CA1: variants seen among roughly 807,000 people sequenced by gnomAD.
CA1 encodes the protein carbonate dehydratase I.
CA1 carries 27 observed loss-of-function variants against 28.8 expected under a neutral mutation model. The ratio of observed to expected loss-of-function variants is 0.94; its 90% CI spans 0.69 to 1.29. CA1 has a LOEUF of 1.29. Ranked by LOEUF, CA1 falls within the 50% of genes most tolerant of loss-of-function variation. The probability of loss-of-function intolerance (pLI) is 0.00; values close to 1 mark genes in which losing one functional copy is unlikely to be tolerated. For missense variants in CA1, 335 were observed against 310.5 expected (o/e 1.08, Z -0.59); for synonymous variants, 121 against 108.8 (o/e 1.11, Z -0.70).
At chr8:85,354,560 A>C (rs1809534831) in intron 1 of CA1, among the ~76,000 whole-genome samples, 1 of 152,160 alleles carries the variant, frequency 6.6e-6, no homozygotes, top group South Asian at 2.1e-4. Context: ...TAGAACAAGG[A>C]CGACTTTTAC....
At chr8:85,337,102 A>G (rs1365607407) in intron 3 of CA1, 39 bp from the exon 4 acceptor site, 1 of 1,091,260 alleles carries the variant, frequency 9.2e-7, no homozygotes, top group Non-Finnish European at 1.4e-6. Flanking sequence ...CTGATGCTCC[A>G]CAAACTCTAG....
chr8:85,376,565 G>A (rs1728600059), intron 1 of CA1, among the ~76,000 whole-genome samples: 1 of 150,698 alleles, frequency 6.6e-6, no homozygotes, highest in African/African-American at 2.4e-5. Flanking sequence ...CGGAGACTGA[G>A]GCAAGAGAAT....
At chr8:85,337,587 T>C (rs570508707) in intron 3 of CA1, among the ~76,000 whole-genome samples, 1 of 152,286 alleles carries the variant, frequency 6.6e-6, no homozygotes, top group Middle Eastern at 3.4e-3. Context: ...GGGGCACTTA[T>C]AAAACTTTGT....
intron 1 of CA1, among the ~76,000 whole-genome samples, chr8:85,349,366 G>T (rs1237898058): frequency 6.6e-6 from 1 of 152,164 alleles, no homozygotes; most frequent in African/African-American, 2.4e-5. Flanking sequence ...GTTAAAAGTG[G>T]AATGTCAAGT....
intron 1 of CA1, among the ~76,000 whole-genome samples, chr8:85,357,103 A>G (rs1388222865): frequency 6.6e-6 from 1 of 152,232 alleles, no homozygotes; most frequent in Non-Finnish European, 1.5e-5. Flanking sequence ...GTCATAGTAC[A>G]TGGAATAAAT....
intron 1 of CA1, among the ~76,000 whole-genome samples, chr8:85,364,953 C>A (rs970562704): frequency 1.6e-4 from 25 of 152,284 alleles, no homozygotes; most frequent in African/African-American, 6.0e-4. Flanking sequence ...ACGGTACTGG[C>A]AGCAACAGCT....
chr8:85,375,669 C>T (rs533567152), intron 1 of CA1, among the ~76,000 whole-genome samples: 5 of 152,112 alleles, frequency 3.3e-5, no homozygotes, highest in South Asian at 2.1e-4. Flanking sequence ...ATCCAGAGCA[C>T]GGAGAAAGTT....
rs183664120 is a variant in CA1, at chr8:85,341,710, G to A, written c.-24-51C>T. ...TAACTAACTGCAACTGTGCATGCAG[G>A]AGATGCCTTAAATCCCTGCTTGGGC... On this transcript the variant is annotated intron_variant, in intron 1 of 7. Transcript: ENST00000523022. The A allele has an allele frequency of 6.0e-6, 6 of 997,690 alleles. No homozygotes were observed. In the Admixed American group the frequency reaches 8.5e-5, roughly 14 times the overall value. The allele number at this position is 997,690 out of a possible 1,614,324, so 61.8% of individuals were successfully genotyped here.
chr8:85,376,453 A>G (rs1463623731), intron 1 of CA1, among the ~76,000 whole-genome samples: 1 of 151,812 alleles, frequency 6.6e-6, no homozygotes, highest in Admixed American at 6.6e-5. Flanking sequence ...TCAGAGGTCA[A>G]GAGATTGAGA....
chr8:85,360,986 G>A (rs934287124), intron 1 of CA1, among the ~76,000 whole-genome samples: 13 of 152,204 alleles, frequency 8.5e-5, no homozygotes, highest in African/African-American at 2.7e-4. Context: ...GGGAATGTGG[G>A]TTCTGCAAGA....
intron 1 of CA1, among the ~76,000 whole-genome samples, chr8:85,370,793 T>C (rs1241864900): frequency 1.3e-5 from 2 of 152,214 alleles, no homozygotes; most frequent in Non-Finnish European, 2.9e-5. Flanking sequence ...TAATCAGTCC[T>C]GTATTAAAAG....
Position 85,335,490 on chromosome 8 carries a change from G to A in CA1, c.354+1455C>T, listed in dbSNP as rs553649817. Among the ~76,000 whole-genome samples, 137 of 152,110 alleles carry A rather than the reference G, an allele frequency of 9.0e-4. 1 individual carries two copies. Among genetic ancestry groups the A allele is most frequent in the Non-Finnish European group, 1.6e-3 (109 of 68,022 alleles). On this transcript the variant is annotated intron_variant, in intron 4 of 7. Coordinates refer to ENST00000523022, the MANE Select transcript of CA1 (RefSeq NM_001128831.4). ...GAATTTGTACAGCTAGTAAGTGGTC[G>A]AGCTTTGATTCAAACCCTGGCAGTC...
intron 1 of CA1, among the ~76,000 whole-genome samples, chr8:85,369,926 T>G (rs1414118646): frequency 6.6e-6 from 1 of 152,212 alleles, no homozygotes; most frequent in Non-Finnish European, 1.5e-5. Context: ...CCAAGTAATA[T>G]ATGACCAACT....
chr8:85,333,421 TTAAAA>T (rs1808494795), intron 5 of CA1, 99 bp downstream of exon 5: 1 of 749,372 alleles, frequency 1.3e-6, no homozygotes, highest in Non-Finnish European at 2.4e-6. Flanking sequence ...AATGGAAACT[TTAAAA>T]TAAGAAATTC....
intron 1 of CA1, among the ~76,000 whole-genome samples, chr8:85,368,487 TC>T (rs1372476485): frequency 1.3e-5 from 2 of 152,040 alleles, no homozygotes; most frequent in African/African-American, 2.4e-5. Context: ...ATTTAAAAAT[TC>T]TACCTGTGTT....
intron 3 of CA1, chr8:85,337,280 T>C: frequency 1.8e-6 from 1 of 545,716 alleles, no homozygotes; most frequent in Non-Finnish European, 3.3e-6. Flanking sequence ...CCATGAATTA[T>C]ACACATTTCC....
In CA1 at chr8:85,333,505, T is replaced by C. The variant is rs2130144283; in HGVS notation, c.450+20A>G. The C allele has an allele frequency of 2.1e-6, 3 of 1,444,094 alleles. No homozygotes were observed. Among genetic ancestry groups the C allele is most frequent in the East Asian group, 4.6e-5 (2 of 43,846 alleles). The allele number at this position is 1,444,094 out of a possible 1,614,324, so 89.5% of individuals were successfully genotyped here. A position where few individuals can be genotyped will look rare whatever the true frequency, so the allele number is the denominator to read the frequency against. ...TGGTAAGACAGTGGAAGCAGAGCTG[T>C]GTAATTATCTGTAACTCACCTTCAT... On this transcript the variant is annotated intron_variant, in intron 5 of 7. Coordinates refer to ENST00000523022, the MANE Select transcript of CA1 (RefSeq NM_001128831.4).
chr8:85,328,422 A>G lies in CA1; in HGVS notation c.*138T>C. The G allele has an allele frequency of 1.8e-6, 1 of 562,930 alleles. No homozygotes were observed. Among genetic ancestry groups the G allele is most frequent in the Non-Finnish European group, 3.2e-6 (1 of 316,240 alleles). The allele number at this position is 562,930 out of a possible 1,614,324, so 34.9% of individuals were successfully genotyped here. On this transcript the variant is annotated 3_prime_UTR_variant, in exon 8 of 8. Transcript: ENST00000523022. ...GTAAGAACTAAAATTTAAGTTTCTT[A>G]GTTTTACAGATTGATTTGAAGGCAT...
At chr8:85,338,481 C>T in intron 2 of CA1, 32 bp from the exon 3 acceptor site, 1 of 1,531,312 alleles carries the variant, frequency 6.5e-7, no homozygotes, top group Non-Finnish European at 9.1e-7. Flanking sequence ...AAATCAATGT[C>T]TTATCAAATG....
Sources: gnomAD v4.1 joint callset for allele counts (sites outside exome capture counted in the v4.1 genomes callset) on GRCh38, gnomAD v4.1.1 for gene constraint, MANE v1.5 for transcripts, NCBI Gene and HGNC (gene_info 2026-07-23, HGNC 2026-07-21) for gene names.